CSDE1: variants seen among roughly 807,000 people sequenced by gnomAD.
CSDE1 encodes the protein cold shock domain-containing protein E1.
A neutral mutation model predicts 89.3 loss-of-function variants in CSDE1; 17 were observed. The ratio of observed to expected loss-of-function variants is 0.19; its 90% CI spans 0.13 to 0.29. CSDE1 has a LOEUF of 0.29. Among genes scored for constraint, CSDE1 ranks in the 10% least tolerant of loss-of-function variants. CSDE1 has a pLI of 1.00. For synonymous variants in CSDE1, 322 were observed against 332.8 expected, an observed-to-expected ratio of 0.97 and a Z score of 0.35; for missense variants, 672 against 984.2, an observed-to-expected ratio of 0.68 and a Z score of 4.24.
At chr1:114,743,034 T>C (rs1017519392) in intron 2 of CSDE1, among the ~76,000 whole-genome samples, 2 of 152,210 alleles carry the variant, frequency 1.3e-5, no homozygotes, top group Admixed American at 1.3e-4. Context: ...TATACACATA[T>C]CGAAAATACA....
intron 16 of CSDE1, among the ~76,000 whole-genome samples, chr1:114,722,386 C>T (rs1659576270): frequency 6.6e-6 from 1 of 152,180 alleles, no homozygotes; most frequent in African/African-American, 2.4e-5. Flanking sequence ...GATGAAGAAA[C>T]TGAGCTAGCA....
Position 114,730,497 on chromosome 1 carries a change from A to G in CSDE1, c.1191+11T>C. The G allele has an allele frequency of 6.2e-7, 1 of 1,613,032 alleles. No individual in the cohort carries two copies. The highest frequency in any genetic ancestry group is 8.5e-7 in the Non-Finnish European group (1 of 1,179,608). On this transcript the variant is annotated intron_variant, in intron 11 of 19. Transcript: ENST00000358528. Reference sequence around the variant, plus strand: ...AGAAACACCTCCCAACTTTTCTCAGAAACAACTCACAGGAACCACAGTAAA... The same window carrying G: ...AGAAACACCTCCCAACTTTTCTCAGGAACAACTCACAGGAACCACAGTAAA...
intron 19 of CSDE1, 64 bp downstream of exon 19, chr1:114,718,549 T>G (rs535771568): frequency 6.4e-7 from 1 of 1,568,442 alleles, no homozygotes; most frequent in African/African-American, 1.4e-5. Flanking sequence ...ATTGTTTAAA[T>G]AGGACCACAT....
intron 2 of CSDE1, among the ~76,000 whole-genome samples, chr1:114,741,025 C>A (rs967742201): frequency 2.8e-4 from 42 of 152,274 alleles, no homozygotes; most frequent in African/African-American, 9.1e-4. Context: ...AGCCACCACA[C>A]CTGTAGGTGG....
chr1:114,717,939 C>T lies in CSDE1; in HGVS notation c.*230G>A, dbSNP rs1226257193. The T allele has an allele frequency of 1.0e-5, 5 of 502,002 alleles. No homozygotes were observed. Among genetic ancestry groups the T allele is most frequent in the Admixed American group, 7.4e-5 (2 of 27,010 alleles). The allele number at this position is 502,002 out of a possible 1,614,324, so 31.1% of individuals were successfully genotyped here. A position where few individuals can be genotyped will look rare whatever the true frequency, so the allele number is the denominator to read the frequency against. On this transcript the variant is annotated 3_prime_UTR_variant, in exon 20 of 20. Transcript: ENST00000358528. Reference sequence around the variant, plus strand: ...AGCTCCTAAAATTGATACTATAAGGCGCCACCTTAAGTTTTTCCAGGCTGC... The same window carrying T: ...AGCTCCTAAAATTGATACTATAAGGTGCCACCTTAAGTTTTTCCAGGCTGC...
chr1:114,750,228 C>G (rs965882566), intron 1 of CSDE1, 21 bp from the exon 2 acceptor site: 11 of 152,438 alleles, frequency 7.2e-5, no homozygotes, highest in African/African-American at 2.7e-4. Context: ...AAAATGAAGA[C>G]ATTAAGTATA....
At chr1:114,756,633 C>T (rs1482923753) in intron 1 of CSDE1, 2 of 152,176 alleles carry the variant, frequency 1.3e-5, no homozygotes, top group African/African-American at 2.4e-5. Context: ...TTCATACCAG[C>T]CTGATGAAAA....
chr1:114,733,694 T>A (rs778033385), intron 9 of CSDE1, 38 bp downstream of exon 9: 4 of 1,587,234 alleles, frequency 2.5e-6, no homozygotes, highest in Non-Finnish European at 3.4e-6. Context: ...CTATTACTAC[T>A]GAGGCGAAAT....
intron 1 of CSDE1, among the ~76,000 whole-genome samples, chr1:114,752,369 T>TAAAC (rs904837002): frequency 2.6e-5 from 4 of 151,878 alleles, no homozygotes; most frequent in Admixed American, 6.6e-5. Flanking sequence ...CCAGCAACCT[T>TAAAC]AAACAAACAA....
chr1:114,724,481 G>T (rs1327270709), intron 15 of CSDE1, among the ~76,000 whole-genome samples: 1 of 152,158 alleles, frequency 6.6e-6, no homozygotes, highest in Non-Finnish European at 1.5e-5. Flanking sequence ...TGAATACAGG[G>T]ATGTATCTGA....
chr1:114,741,564 G>A, intron 2 of CSDE1: 1 of 1,551,194 alleles, frequency 6.4e-7, no homozygotes, highest in Non-Finnish European at 8.7e-7. Context: ...TTGTTTTTTA[G>A]TCCCAGATGA....
chr1:114,726,453 C>A, intron 13 of CSDE1, 67 bp from the exon 14 acceptor site: 1 of 1,319,506 alleles, frequency 7.6e-7, no homozygotes, highest in South Asian at 1.6e-5. Flanking sequence ...ACTCAGAAAA[C>A]AAGACCTATA....
chr1:114,724,283 C>CT (rs1261239654), intron 15 of CSDE1: 1 of 241,348 alleles, frequency 4.1e-6, no homozygotes, highest in Non-Finnish European at 8.1e-6. Flanking sequence ...GCCTTGATCT[C>CT]TTACTTTTTC....
chr1:114,732,998 A>C (rs1660188266), intron 9 of CSDE1, among the ~76,000 whole-genome samples, 182 bp from the exon 10 acceptor site: 1 of 152,238 alleles, frequency 6.6e-6, no homozygotes, highest in African/African-American at 2.4e-5. Context: ...CGAGTCAACC[A>C]TAAAATTACA....
At chr1:114,734,993 A>G (rs1311642915) in intron 6 of CSDE1, among the ~76,000 whole-genome samples, 1 of 152,216 alleles carries the variant, frequency 6.6e-6, no homozygotes, top group Non-Finnish European at 1.5e-5. Flanking sequence ...GATGGTCTCT[A>G]TTTTCAGTGA....
intron 1 of CSDE1, among the ~76,000 whole-genome samples, chr1:114,755,995 TTTTG>T (rs1321231910): frequency 2.6e-5 from 4 of 152,146 alleles, no homozygotes; most frequent in Non-Finnish European, 5.9e-5. Context: ...TATTTTAGCA[TTTTG>T]TTTGTTTAAA....
chr1:114,748,690 C>T (rs1661141966), intron 2 of CSDE1, among the ~76,000 whole-genome samples: 1 of 152,214 alleles, frequency 6.6e-6, no homozygotes, highest in Admixed American at 6.5e-5. Flanking sequence ...GTCCTCACTT[C>T]TAAATCATCA....
At position 114,740,234 on chromosome 1, in the gene CSDE1, AATTAAT is replaced by A. The variant is rs796150812; in HGVS notation, c.1-350_1-345del. Among the ~76,000 whole-genome samples, 10 of 152,346 alleles carry A rather than the reference AATTAAT, an allele frequency of 6.6e-5. No homozygotes were observed. The South Asian group carries it at 1.9e-3, about 28-fold the overall frequency. ...AAAACAACAATTTCAGAACAAAGGTAATTAATATTAAGAGACAGCGACCACAAACTA... is the reference window on the plus strand; with the variant it reads ...AAAACAACAATTTCAGAACAAAGGTAATTAAGAGACAGCGACCACAAACTA... On this transcript the variant is annotated intron_variant, in intron 2 of 19. Transcript: ENST00000358528.
chr1:114,737,434 G>T (rs1425027349), intron 5 of CSDE1, 37 bp downstream of exon 5: 2 of 1,449,554 alleles, frequency 1.4e-6, no homozygotes, highest in Non-Finnish European at 1.9e-6. Context: ...TCACATGGTG[G>T]ATCAGGCAAA....
Sources: gnomAD v4.1 joint callset for allele counts (sites outside exome capture counted in the v4.1 genomes callset) on GRCh38, gnomAD v4.1.1 for gene constraint, MANE v1.5 for transcripts, NCBI Gene and HGNC (gene_info 2026-07-23, HGNC 2026-07-21) for gene names.